The following L3MBTL2 variants were observed in gnomAD, a reference collection of about 807,000 sequenced individuals.
L3MBTL2 encodes lethal(3)malignant brain tumor-like protein 2.
Under a neutral mutation model 86.4 loss-of-function variants are expected in L3MBTL2, and 49 were observed. That is an observed-to-expected ratio of 0.57 (90% CI 0.45 to 0.72). The LOEUF (loss-of-function observed/expected upper bound fraction) is 0.72. Ranked by LOEUF, L3MBTL2 falls within the 30% of genes least tolerant of loss-of-function variation. L3MBTL2 has a pLI of 0.00. For synonymous variants in L3MBTL2, 336 were observed against 350.6 expected (o/e 0.96, Z 0.47); for missense variants, 755 against 923.7 (o/e 0.82, Z 2.37).
At chr22:41,228,565 A>G in intron 15 of L3MBTL2, 1 of 976,062 alleles carries the variant, frequency 1.0e-6, no homozygotes, top group Non-Finnish European at 1.2e-6. Context: ...AGATTGAGTG[A>G]GGCGGCCAGG....
At chr22:41,215,621 TCCTCTCCCAAACATTCGCCTATGTGGAC>T (rs2031280839) in intron 3 of L3MBTL2, among the ~76,000 whole-genome samples, 1 of 115,112 alleles carries the variant, frequency 8.7e-6, no homozygotes, top group African/African-American at 3.7e-5. Context: ...AAGCTGTGGG[TCCTCTCCCAAACATTCGCCTATGTGGAC>T]CCTCTCCCGA....
chr22:41,230,448 G>A lies in L3MBTL2; in HGVS notation c.*197G>A, dbSNP rs866745220. On this transcript the variant is annotated 3_prime_UTR_variant, in exon 17 of 17. Coordinates refer to ENST00000216237, the MANE Select transcript of L3MBTL2 (RefSeq NM_031488.5). The stretch of plus-strand genomic sequence containing the variant: ...GCCTGTTGCTTCTGCCCTCCCCTGT[G>A]GAAAGGTCTATATGACGGGCCGCCT... The A allele has an allele frequency of 3.3e-5, 19 of 582,734 alleles. No individual in the cohort carries two copies. The Middle Eastern group carries it at 2.2e-3, about 67-fold the overall frequency. 36.1% of individuals were successfully genotyped at this position (582,734 alleles called of 1,614,324 possible).
chr22:41,228,438 G>A (rs997234268), intron 15 of L3MBTL2: 14 of 985,298 alleles, frequency 1.4e-5, no homozygotes, highest in African/African-American at 7.0e-5. Context: ...GAGCGGGAGC[G>A]GGCAAAGCCA....
chr22:41,221,940 C>G (rs2031855056), intron 8 of L3MBTL2, among the ~76,000 whole-genome samples: 1 of 150,564 alleles, frequency 6.6e-6, no homozygotes. Context: ...GCTCTGTTGC[C>G]CAGGCTGGAG....
rs544892974 is a variant in L3MBTL2 at position 41,225,618 on chromosome 22, C to A, written c.1357-176C>A. Among the ~76,000 whole-genome samples, 14 of 152,206 alleles carry A rather than the reference C, an allele frequency of 9.2e-5. No individual in the cohort carries two copies. The highest frequency in any genetic ancestry group is 1.3e-4 in the Non-Finnish European group (9 of 68,024). On this transcript the variant is annotated intron_variant, in intron 11 of 16. Transcript: ENST00000216237. The surrounding 1 kb of genome is among the most constrained non-coding windows in gnomAD (Gnocchi z 4.1). ...AGTGGGGAAGAGAAAGAATCCCACG[C>A]GTATGCATCACAGAAGTACTGTGTG... is the stretch of plus-strand genomic sequence containing the variant.
chr22:41,219,567 T>A, intron 6 of L3MBTL2, 31 bp downstream of exon 6: 1 of 1,425,648 alleles, frequency 7.0e-7, no homozygotes, highest in Admixed American at 1.7e-5. Context: ...GGGCCAGGGA[T>A]GTGTCTGCAG....
intron 1 of L3MBTL2, among the ~76,000 whole-genome samples, chr22:41,208,953 G>C (rs1395538623): frequency 6.6e-6 from 1 of 152,070 alleles, no homozygotes; most frequent in African/African-American, 2.4e-5. Flanking sequence ...ATCTTGGCCA[G>C]GTTGGTCTTG....
At position 41,224,997 on chromosome 22, in the gene L3MBTL2, T is replaced by G. The variant is rs1362988264; in HGVS notation, c.1282T>G (p.Phe428Val). 3 of 1,613,780 alleles carry G rather than the reference T, an allele frequency of 1.9e-6. No individual in the cohort carries two copies. The highest frequency in any genetic ancestry group is 3.3e-5 in the Admixed American group (2 of 59,964). Reference protein sequence around the residue: ...VRAVYTEGGWFEEGMKLEAID... With the variant: ...VRAVYTEGGWVEEGMKLEAID... ...AGCAGTCTACACAGAAGGCGGTTGG[T>G]TTGAGGAAGGGATGAAGCTGGAGGC... is the stretch of plus-strand genomic sequence containing the variant. Residue 428 changes from phenylalanine (F) to valine (V), a missense_variant, in exon 11 of 17, where the codon TTT becomes GTT. Around this residue, in one of 3 missense-constraint regions of L3MBTL2, gnomAD observed 634 missense variants for 748.9 expected, o/e 0.85. Coordinates refer to ENST00000216237, the MANE Select transcript of L3MBTL2 (RefSeq NM_031488.5). The surrounding 1 kb of genome is among the most constrained non-coding windows in gnomAD (Gnocchi z 4.9).
chr22:41,218,419 A>C (rs946908136), intron 5 of L3MBTL2: 3 of 152,122 alleles, frequency 2.0e-5, no homozygotes, highest in African/African-American at 7.2e-5. Flanking sequence ...AGGCCGAGAC[A>C]GGAGAATCCC....
At chr22:41,217,085 G>T in intron 4 of L3MBTL2, 38 bp from the exon 5 acceptor site, 3 of 1,572,538 alleles carry the variant, frequency 1.9e-6, no homozygotes, top group Non-Finnish European at 2.6e-6. Flanking sequence ...TGGCTGCTGC[G>T]CAGGCTCCTA....
rs1291184408 is a variant in L3MBTL2 at position 41,230,431 on chromosome 22, C to A, written c.*180C>A. On this transcript the variant is annotated 3_prime_UTR_variant, in exon 17 of 17. Transcript: ENST00000216237. ...GGGGTCTCCTGGGACCCGCCTGTTG[C>A]TTCTGCCCTCCCCTGTGGAAAGGTC... The A allele has an allele frequency of 3.3e-6, 2 of 597,372 alleles. No individual in the cohort carries two copies. The highest frequency in any genetic ancestry group is 1.9e-5 in the African/African-American group (1 of 53,566). The allele number at this position is 597,372 out of a possible 1,614,324, so 37.0% of individuals were successfully genotyped here. A position where few individuals can be genotyped will look rare whatever the true frequency, so the allele number is the denominator to read the frequency against.
Position 41,229,669 on chromosome 22 carries a change from G to T in L3MBTL2, c.2005+13G>T. 1 of 1,613,072 alleles carries T rather than the reference G, an allele frequency of 6.2e-7. No homozygotes were observed. ...GTTCCTGGCGAGAGTAAGAGCCACC[G>T]GGCTGGGTCAAGGCAGGACCAGCCT... On this transcript the variant is annotated intron_variant, in intron 16 of 16. Coordinates refer to ENST00000216237, the MANE Select transcript of L3MBTL2 (RefSeq NM_031488.5).
intron 8 of L3MBTL2, among the ~76,000 whole-genome samples, chr22:41,223,129 T>A (rs1287146990): frequency 1.3e-5 from 2 of 152,202 alleles, no homozygotes; most frequent in African/African-American, 2.4e-5. Flanking sequence ...TCCCAAGCCC[T>A]TGAGCTGGGC....
rs769398487 is a variant in L3MBTL2 at position 41,229,711 on chromosome 22, C to T, written c.2005+55C>T. On this transcript the variant is annotated intron_variant, in intron 16 of 16. Transcript: ENST00000216237. ...GACCAGCCTGCTCCGTGCTCAGAGA[C>T]GACCCTTCTCCTTCCCCACCTGGGC... is the stretch of plus-strand genomic sequence containing the variant. The T allele has an allele frequency of 8.1e-5, 131 of 1,612,238 alleles. No individual in the cohort carries two copies. Among genetic ancestry groups the T allele is most frequent in the East Asian group, 3.8e-4 (17 of 44,886 alleles).
chr22:41,224,207 C>T lies in L3MBTL2; in HGVS notation c.1130C>T (p.Pro377Leu). The T allele has an allele frequency of 6.2e-7, 1 of 1,613,934 alleles. No individual in the cohort carries two copies. The highest frequency in any genetic ancestry group is 8.5e-7 in the Non-Finnish European group (1 of 1,179,918). The change falls in exon 9 of 17, where the codon CCA becomes CTA. Residue 377 changes from proline (P) to leucine (L), a missense_variant. This residue lies in a region of L3MBTL2 where 634 missense variants were observed against 748.9 expected (regional missense o/e 0.85). Transcript: ENST00000216237. The surrounding 1 kb of genome is among the most constrained non-coding windows in gnomAD (Gnocchi z 4.9). ...CACATGTGGAGCCCCCTGATCCACC[C>T]AGTGGGTTGGTCACGACGTGTGGGC... ...WCHMWSPLIH[P>L]VGWSRRVGHG...
chr22:41,210,294 C>A (rs2030637405), intron 2 of L3MBTL2, among the ~76,000 whole-genome samples: 1 of 151,950 alleles, frequency 6.6e-6, no homozygotes, highest in African/African-American at 2.4e-5. Flanking sequence ...GGACTACAGG[C>A]ACCCACCACC....
chr22:41,212,025 G>A (rs1045698831), intron 2 of L3MBTL2, among the ~76,000 whole-genome samples: 8 of 150,040 alleles, frequency 5.3e-5, no homozygotes, highest in African/African-American at 2.0e-4. Context: ...CGCCATGCCC[G>A]GCTAATTTTT....
rs2032514613 is a variant in L3MBTL2, at chr22:41,230,309, C to T, written c.*58C>T. 8.0e-7 allele frequency: 1 copy of T among 1,245,154 alleles called. No individual in the cohort carries two copies. Among genetic ancestry groups the T allele is most frequent in the Non-Finnish European group, 1.2e-6 (1 of 847,682 alleles). 77.1% of individuals were successfully genotyped at this position (1,245,154 alleles called of 1,614,324 possible). On this transcript the variant is annotated 3_prime_UTR_variant, in exon 17 of 17. Transcript: ENST00000216237. ...AAGCCAGCCCAGCGTTTCTCTACCA[C>T]CACCACCATGCCTCCACCTGACTTT...
At chr22:41,210,546 G>A (rs2145569470) in intron 2 of L3MBTL2, among the ~76,000 whole-genome samples, 1 of 152,314 alleles carries the variant, frequency 6.6e-6, no homozygotes, top group South Asian at 2.1e-4. Flanking sequence ...AGCCAGGATG[G>A]TCTCGATCTC....
Sources: allele counts gnomAD v4.1 joint callset (sites outside exome capture counted in the v4.1 genomes callset), GRCh38; gene constraint gnomAD v4.1.1; regional missense constraint gnomAD v4.1.1; non-coding constraint Gnocchi (gnomAD v3.1); transcripts MANE v1.5; gene names NCBI Gene and HGNC (gene_info 2026-07-23, HGNC 2026-07-21).